ZNF148: variants seen among roughly 807,000 people sequenced by gnomAD.
ZNF148 encodes the protein zinc finger protein 148.
A neutral mutation model predicts 67.7 loss-of-function variants in ZNF148; 7 were observed. The ratio of observed to expected loss-of-function variants is 0.10; its 90% confidence interval spans 0.06 to 0.19. ZNF148 has a LOEUF of 0.19. ZNF148 is among the 10% of genes least tolerant of loss of function. ZNF148 has a pLI of 1.00. For synonymous variants in ZNF148, 333 were observed against 330.7 expected (o/e 1.01, Z -0.08); for missense variants, 583 against 947.1 (o/e 0.62, Z 5.05).
rs752542874 is a variant in ZNF148, at chr3:125,317,662, T to TATATAGAGAGAGAG, written c.-16-4007_-16-4006insCTCTCTCTCTATAT. ...GATCTTTTATATATATATATATATA[T>TATATAGAGAGAGAG]AGAGAGAGAGAGAGAGAAATACATA... On this transcript the variant is annotated intron_variant, in intron 3 of 8. Coordinates refer to ENST00000360647, the MANE Select transcript of ZNF148 (RefSeq NM_021964.3). 9.9e-3 allele frequency among the ~76,000 whole-genome samples: 888 copies of TATATAGAGAGAGAG among 90,020 alleles called. 20 individuals carry two copies. The highest frequency in any genetic ancestry group is 0.019 in the African/African-American group (418 of 22,152). The allele number at this position is 90,020 out of a possible 152,430, so 59.1% of individuals were successfully genotyped here.
At chr3:125,335,432 C>G (rs1941451966) in intron 1 of ZNF148, among the ~76,000 whole-genome samples, 1 of 152,170 alleles carries the variant, frequency 6.6e-6, no homozygotes, top group South Asian at 2.1e-4. Flanking sequence ...AACTTGGTCT[C>G]AAAACCAGCC....
rs569044056 is a variant in ZNF148, at chr3:125,323,422, T to A, written c.-130A>T. 2 of 688,650 alleles carry A rather than the reference T, an allele frequency of 2.9e-6. No individual in the cohort carries two copies. Among genetic ancestry groups the A allele is most frequent in the African/African-American group, 3.5e-5 (2 of 56,666 alleles). 42.7% of individuals were successfully genotyped at this position (688,650 alleles called of 1,614,324 possible). A position where few individuals can be genotyped will look rare whatever the true frequency, so the allele number is the denominator to read the frequency against. On this transcript the variant is annotated 5_prime_UTR_variant, in exon 3 of 9. An upstream open reading frame in the 5' UTR loses its in-frame stop. Coordinates refer to ENST00000360647, the MANE Select transcript of ZNF148 (RefSeq NM_021964.3). ...GCTTCAGAAATCCTCAATACCACCT[T>A]AATCACTTATGCCATCCGATTCCTA... is the stretch of plus-strand genomic sequence containing the variant.
intron 7 of ZNF148, among the ~76,000 whole-genome samples, chr3:125,277,324 A>G: frequency 6.6e-6 from 1 of 152,176 alleles, no homozygotes; most frequent in Admixed American, 6.5e-5. Flanking sequence ...TTACATGTCT[A>G]AGGGTAAGGT....
intron 7 of ZNF148, among the ~76,000 whole-genome samples, chr3:125,254,696 A>AT (rs34847960): frequency 0.072 from 10,774 of 149,654 alleles, 496 homozygotes; most frequent in Non-Finnish European, 0.1. Flanking sequence ...CATACACTGC[A>AT]TTTTTTTTTC....
At position 125,297,632 on chromosome 3, in the gene ZNF148, T is replaced by C. The variant is rs1400656034; in HGVS notation, c.334-9404A>G. 4.6e-5 allele frequency among the ~76,000 whole-genome samples: 7 copies of C among 151,230 alleles called. 1 individual carries two copies. Among genetic ancestry groups the C allele is most frequent in the African/African-American group, 1.7e-4 (7 of 40,570 alleles). On this transcript the variant is annotated intron_variant, in intron 4 of 8. Coordinates refer to ENST00000360647, the MANE Select transcript of ZNF148 (RefSeq NM_021964.3). ...TTACTAAAAAATAATATTTAAATTG[T>C]CAATAAACATGAAAAGATAATCAAT... is the stretch of plus-strand genomic sequence containing the variant.
At chr3:125,234,188 G>A (rs375288514) in intron 8 of ZNF148, 23 bp downstream of exon 8, 1 of 1,470,016 alleles carries the variant, frequency 6.8e-7, no homozygotes, top group Non-Finnish European at 9.4e-7. Flanking sequence ...TACAGTAGAA[G>A]AATTTCAAGC....
intron 4 of ZNF148, among the ~76,000 whole-genome samples, chr3:125,293,962 T>C (rs982100895): frequency 1.1e-4 from 16 of 152,138 alleles, no homozygotes; most frequent in Admixed American, 2.0e-4. Flanking sequence ...ACAGTAACTC[T>C]ACAGTGGGGA....
intron 3 of ZNF148, among the ~76,000 whole-genome samples, chr3:125,322,500 C>A (rs2107692100): frequency 8.0e-6 from 1 of 124,864 alleles, no homozygotes; most frequent in Admixed American, 7.9e-5. Context: ...TGACAAAGAG[C>A]CAGAGGGATC....
chr3:125,253,950 T>C (rs1411656359), intron 7 of ZNF148, among the ~76,000 whole-genome samples: 2 of 152,168 alleles, frequency 1.3e-5, no homozygotes, highest in African/African-American at 4.8e-5. Context: ...AAGTGCTTCC[T>C]CTCTTTCTGT....
intron 7 of ZNF148, among the ~76,000 whole-genome samples, chr3:125,264,006 G>A (rs1937461637): frequency 6.6e-6 from 1 of 152,220 alleles, no homozygotes; most frequent in Non-Finnish European, 1.5e-5. Context: ...AAGTAATGAG[G>A]TTCTGAGAGC....
chr3:125,328,139 A>G (rs1219134700), intron 2 of ZNF148, among the ~76,000 whole-genome samples: 1 of 152,000 alleles, frequency 6.6e-6, no homozygotes, highest in Non-Finnish European at 1.5e-5. Flanking sequence ...TAATTTAAGA[A>G]AAAAAAGAAA....
Position 125,233,562 on chromosome 3 carries a change from A to C in ZNF148, c.1164T>G (p.Pro388=). Residue 388 remains proline, a synonymous_variant, in exon 9 of 9, where the codon CCT becomes CCG. Coordinates refer to ENST00000360647, the MANE Select transcript of ZNF148 (RefSeq NM_021964.3). The surrounding 1 kb of genome is among the most constrained non-coding windows in gnomAD (Gnocchi z 5.1). ...TATTAATTTTTTTGAGAACTAACTT[A>C]GGTGGGTGTATTTCTCCTGACGCAT... ...LEDASGEIHP[P]KLVLKKINSK... 1 of 1,613,962 alleles carries C rather than the reference A, an allele frequency of 6.2e-7. No homozygotes were observed. The highest frequency in any genetic ancestry group is 8.5e-7 in the Non-Finnish European group (1 of 1,179,942).
At chr3:125,258,356 C>G (rs1168230444) in intron 7 of ZNF148, among the ~76,000 whole-genome samples, 2 of 134,196 alleles carry the variant, frequency 1.5e-5, no homozygotes. Flanking sequence ...ACCCGGGAGG[C>G]AGAGCTTGCA....
chr3:125,337,055 C>T (rs929114448), intron 1 of ZNF148, among the ~76,000 whole-genome samples: 21 of 148,128 alleles, frequency 1.4e-4, no homozygotes, highest in Non-Finnish European at 2.5e-4. Flanking sequence ...ATCTTTAAAA[C>T]TTTGTAATTA....
chr3:125,336,509 C>CTGCTT (rs1274189942), intron 1 of ZNF148, among the ~76,000 whole-genome samples: 3 of 152,036 alleles, frequency 2.0e-5, no homozygotes, highest in Non-Finnish European at 2.9e-5. Context: ...TTTATAGTAA[C>CTGCTT]TGCTTTCAAA....
chr3:125,275,200 T>C (rs999073248), intron 7 of ZNF148, among the ~76,000 whole-genome samples: 12 of 152,338 alleles, frequency 7.9e-5, no homozygotes, highest in Admixed American at 2.0e-4. Context: ...TAGGGCAGAA[T>C]TGATTCTCTC....
chr3:125,239,851 C>G (rs1029509056), intron 7 of ZNF148, among the ~76,000 whole-genome samples: 1 of 152,130 alleles, frequency 6.6e-6, no homozygotes, highest in Non-Finnish European at 1.5e-5. Flanking sequence ...AAAGAAAGTG[C>G]AGGCTACACA....
At chr3:125,255,601 G>A (rs976087238) in intron 7 of ZNF148, among the ~76,000 whole-genome samples, 1 of 151,550 alleles carries the variant, frequency 6.6e-6, no homozygotes, top group Non-Finnish European at 1.5e-5. Context: ...TTCAACCTAA[G>A]GAACTATGGT....
intron 7 of ZNF148, among the ~76,000 whole-genome samples, chr3:125,262,381 G>A (rs553914441): frequency 1.3e-4 from 20 of 152,338 alleles, no homozygotes; most frequent in African/African-American, 3.1e-4. Flanking sequence ...AAAATCTGAC[G>A]AAATTGTAGT....
Sources: allele counts gnomAD v4.1 joint callset (sites outside exome capture counted in the v4.1 genomes callset), GRCh38; gene constraint gnomAD v4.1.1; non-coding constraint Gnocchi (gnomAD v3.1); transcripts MANE v1.5; gene names NCBI Gene and HGNC (gene_info 2026-07-23, HGNC 2026-07-21).